The following LARP1B variants were observed in gnomAD, a reference collection of about 807,000 sequenced individuals.
LARP1B encodes La ribonucleoprotein 1B, also known as la-related protein 1B.
A neutral mutation model predicts 114.2 loss-of-function variants in LARP1B; 76 were observed. The ratio of observed to expected loss-of-function variants is 0.67; its 90% CI spans 0.55 to 0.81. The LOEUF is 0.81. Ranked by LOEUF, LARP1B falls within the 30% of genes least tolerant of loss-of-function variation. The pLI, the probability that LARP1B is intolerant of heterozygous loss-of-function variation, is 0.00. For missense variants in LARP1B, 1,014 were observed against 1,075.8 expected (o/e 0.94, Z 0.80); for synonymous variants, 345 against 348.0 (o/e 0.99, Z 0.10).
chr4:128,196,484 A>C (rs993673147), intron 15 of LARP1B, among the ~76,000 whole-genome samples: 3 of 151,810 alleles, frequency 2.0e-5, no homozygotes, highest in African/African-American at 4.8e-5. Flanking sequence ...ATGCCACTGC[A>C]CTCCAGTCTG....
chr4:128,176,920 G>C lies in LARP1B; in HGVS notation c.1684+13G>C, dbSNP rs370505242. 6.2e-7 allele frequency: 1 copy of C among 1,612,968 alleles called. No homozygotes were observed. Among genetic ancestry groups the C allele is most frequent in the Non-Finnish European group, 8.5e-7 (1 of 1,178,958 alleles). On this transcript the variant is annotated intron_variant, in intron 13 of 19. Coordinates refer to ENST00000326639, the MANE Select transcript of LARP1B (RefSeq NM_018078.4). ...ATTCCCAAGAAAGGTAACATCTGTG[G>C]TGGGTATTAAAGGGAGGCTATGATA... is the stretch of plus-strand genomic sequence containing the variant.
chr4:128,131,817 A>G (rs1791663106), intron 11 of LARP1B, among the ~76,000 whole-genome samples: 1 of 152,244 alleles, frequency 6.6e-6, no homozygotes, highest in South Asian at 2.1e-4. Context: ...AAGTTGCTTA[A>G]CATCATTAGC....
chr4:128,126,371 C>T (rs1360731444), intron 11 of LARP1B, among the ~76,000 whole-genome samples: 1 of 152,136 alleles, frequency 6.6e-6, no homozygotes, highest in African/African-American at 2.4e-5. Context: ...GATCTGCTTA[C>T]CTCGGCTTCC....
chr4:128,108,077 A>T (rs1561246426), intron 9 of LARP1B: 1 of 1,419,846 alleles, frequency 7.0e-7, no homozygotes, highest in East Asian at 2.6e-5. Flanking sequence ...ACTGCAGTGG[A>T]GATAACCACC....
intron 11 of LARP1B, chr4:128,122,444 T>G (rs1445897948): frequency 7.6e-6 from 11 of 1,454,036 alleles, no homozygotes; most frequent in South Asian, 1.3e-5. Flanking sequence ...CCTTGTTTTT[T>G]TTTTTTTTTG....
rs558431629 is a variant in LARP1B, at chr4:128,178,191, T to TA, written c.1685-239dup. Among the ~76,000 whole-genome samples, 4 of 151,582 alleles carry TA rather than the reference T, an allele frequency of 2.6e-5. No individual in the cohort carries two copies. In the South Asian group the frequency reaches 8.3e-4, roughly 32 times the overall value. ...GGAGGGAAATGGGATTAGGGGAGGTTACACAGGAAGCTTCACCCTTTCTTT... is the reference window on the plus strand; with the variant it reads ...GGAGGGAAATGGGATTAGGGGAGGTTAACACAGGAAGCTTCACCCTTTCTTT... On this transcript the variant is annotated intron_variant, in intron 13 of 19. Coordinates refer to ENST00000326639, the MANE Select transcript of LARP1B (RefSeq NM_018078.4).
intron 4 of LARP1B, among the ~76,000 whole-genome samples, chr4:128,081,277 C>A (rs1421848957): frequency 6.6e-6 from 1 of 151,464 alleles, no homozygotes; most frequent in Non-Finnish European, 1.5e-5. Flanking sequence ...TGGGGTTTCA[C>A]CATGTTTGCC....
intron 1 of LARP1B, among the ~76,000 whole-genome samples, chr4:128,063,509 G>T (rs1461259604): frequency 1.3e-5 from 2 of 151,378 alleles, no homozygotes; most frequent in Non-Finnish European, 2.9e-5. Flanking sequence ...GCCGGGCGCG[G>T]TGGCTCACGC....
At chr4:128,160,482 G>A (rs1171964106) in intron 11 of LARP1B, among the ~76,000 whole-genome samples, 4 of 151,988 alleles carry the variant, frequency 2.6e-5, no homozygotes, top group South Asian at 4.2e-4. Flanking sequence ...GTTTACCTTC[G>A]ATTATTCATT....
In LARP1B at chr4:128,211,729, G is replaced by A. The variant is rs1250356738; in HGVS notation, c.*1676G>A. On this transcript the variant is annotated 3_prime_UTR_variant, in exon 20 of 20. Coordinates refer to ENST00000326639, the MANE Select transcript of LARP1B (RefSeq NM_018078.4). ...TTGAAATGATCATAAATTTTTCTCA[G>A]TGTCCTTTTTGTGTTGAACACATAT... The A allele has an allele frequency of 1.0e-6, 1 of 983,006 alleles. No homozygotes were observed. The highest frequency in any genetic ancestry group is 6.2e-5 in the Admixed American group (1 of 16,252). 60.9% of individuals were successfully genotyped at this position (983,006 alleles called of 1,614,324 possible). A position where few individuals can be genotyped will look rare whatever the true frequency, so the allele number is the denominator to read the frequency against.
At chr4:128,064,784 C>A (rs991858015) in intron 1 of LARP1B, among the ~76,000 whole-genome samples, 2 of 152,078 alleles carry the variant, frequency 1.3e-5, no homozygotes, top group Admixed American at 6.6e-5. Flanking sequence ...GTAGTTTTAG[C>A]TCCCTGGGAG....
intron 12 of LARP1B, among the ~76,000 whole-genome samples, chr4:128,169,771 G>A (rs1742745857): frequency 6.6e-6 from 1 of 151,760 alleles, no homozygotes; most frequent in South Asian, 2.1e-4. Context: ...TAAGTAGCTG[G>A]GATTACAGGT....
chr4:128,077,813 A>C lies in LARP1B; in HGVS notation c.68A>C (p.Asn23Thr), dbSNP rs1561078828. Residue 23 changes from asparagine to threonine, a missense_variant, in exon 4 of 20, where the codon AAT becomes ACT. Physicochemically the swap from Asn to Thr is moderately conservative, Grantham distance 65. Transcript: ENST00000326639. ...TTTCAGAGCGTCCTCAGCCAAGGAA[A>C]TAAAAAGCCACAAAATAGAAAAGAA... ...TGFQSVLSQG[N>T]KKPQNRKEKE... The C allele has an allele frequency of 6.2e-7, 1 of 1,602,882 alleles. No individual in the cohort carries two copies. Among genetic ancestry groups the C allele is most frequent in the Non-Finnish European group, 8.5e-7 (1 of 1,177,090 alleles).
chr4:128,197,692 C>CA (rs1370007372), intron 15 of LARP1B, among the ~76,000 whole-genome samples: 3 of 148,266 alleles, frequency 2.0e-5, no homozygotes, highest in Admixed American at 6.7e-5. Context: ...CACTCTGTCT[C>CA]AAAAAAAAGA....
chr4:128,111,201 C>G (rs1783988940), intron 9 of LARP1B, among the ~76,000 whole-genome samples: 1 of 151,976 alleles, frequency 6.6e-6, no homozygotes, highest in African/African-American at 2.4e-5. Context: ...TGTGTGCTGC[C>G]ACGCCCGGCT....
chr4:128,186,737 G>A (rs1411692342), intron 15 of LARP1B, among the ~76,000 whole-genome samples: 1 of 152,188 alleles, frequency 6.6e-6, no homozygotes, highest in Non-Finnish European at 1.5e-5. Context: ...AAGTGCTCAT[G>A]TCTAAGACAA....
At chr4:128,069,086 G>T in intron 1 of LARP1B, 2 of 1,041,998 alleles carry the variant, frequency 1.9e-6, no homozygotes, top group Non-Finnish European at 2.9e-6. Context: ...CAATAGTGTG[G>T]TGGCACTTAA....
intron 7 of LARP1B, chr4:128,093,093 C>T: frequency 1.0e-6 from 1 of 964,862 alleles, no homozygotes; most frequent in Non-Finnish European, 1.2e-6. Flanking sequence ...TTGGTCATGC[C>T]TCTTTTTTTG....
intron 11 of LARP1B, chr4:128,156,245 A>T: frequency 7.5e-7 from 1 of 1,332,664 alleles, no homozygotes. Context: ...ACCCTAAGCA[A>T]CGTCTGCTCC....
Sources: allele counts gnomAD v4.1 joint callset (sites outside exome capture counted in the v4.1 genomes callset), GRCh38; gene constraint gnomAD v4.1.1; transcripts MANE v1.5; gene names NCBI Gene and HGNC (gene_info 2026-07-23, HGNC 2026-07-21).